INSC: variants seen among roughly 807,000 people sequenced by gnomAD.
The protein encoded by INSC is protein inscuteable homolog.
INSC carries 67 observed loss-of-function variants against 58.6 expected under a neutral mutation model. That is an observed-to-expected ratio of 1.14 (90% confidence interval 0.94 to 1.40). The LOEUF (loss-of-function observed/expected upper bound fraction) is 1.40. Ranked by LOEUF, INSC falls within the 40% of genes most tolerant of loss-of-function variation. The probability of loss-of-function intolerance (pLI) is 0.00; values close to 1 mark genes in which losing one functional copy is unlikely to be tolerated. For synonymous variants in INSC, 262 were observed against 276.1 expected, an observed-to-expected ratio of 0.95 and a Z score of 0.51; for missense variants, 714 against 692.0, an observed-to-expected ratio of 1.03 and a Z score of -0.36.
rs1850938270 is a variant in INSC at position 15,209,510 on chromosome 11, A to T, written c.819+8561A>T. ...CCTCTGGACCTCCTTCCCGACTGTGATCCTCCCTCCTTGGTGCTCACACAG... is the reference window on the plus strand; with the variant it reads ...CCTCTGGACCTCCTTCCCGACTGTGTTCCTCCCTCCTTGGTGCTCACACAG... On this transcript the variant is annotated intron_variant, in intron 7 of 12. Transcript: ENST00000379556. Among the ~76,000 whole-genome samples the T allele has an allele frequency of 2.0e-5, 3 of 151,750 alleles. No homozygotes were observed. The South Asian group carries it at 6.2e-4, about 32-fold the overall frequency.
chr11:15,143,341 G>T (rs537439252), intron 1 of INSC, among the ~76,000 whole-genome samples: 5 of 152,266 alleles, frequency 3.3e-5, no homozygotes, highest in South Asian at 2.1e-4. Flanking sequence ...CATTTGTTCT[G>T]AGCTCTCACC....
the INSC span, among the ~76,000 whole-genome samples, chr11:15,253,703 G>T: frequency 6.6e-6 from 1 of 151,956 alleles, no homozygotes; most frequent in Admixed American, 6.6e-5. Flanking sequence ...GAAAGAAGGG[G>T]TGACGTCAAG....
At position 15,238,782 on chromosome 11, in the gene INSC, G is replaced by A. The variant is rs773373413; in HGVS notation, c.1238-137G>A. On this transcript the variant is annotated intron_variant, in intron 10 of 12. Transcript: ENST00000379556. Reference sequence around the variant, plus strand: ...AGGCATGGAGGAACAGCCTTGTCCAGCTTCCTCCCTGTGGGTGAGACCCCT... The same window carrying A: ...AGGCATGGAGGAACAGCCTTGTCCAACTTCCTCCCTGTGGGTGAGACCCCT... The A allele has an allele frequency of 1.6e-4, 127 of 780,484 alleles. 1 individual carries two copies. Among genetic ancestry groups the A allele is most frequent in the Non-Finnish European group, 2.5e-4 (121 of 491,180 alleles). The allele number at this position is 780,484 out of a possible 1,614,324, so 48.3% of individuals were successfully genotyped here.
chr11:15,136,616 A>T (rs1235430599), intron 1 of INSC, among the ~76,000 whole-genome samples: 1 of 151,966 alleles, frequency 6.6e-6, no homozygotes, highest in Non-Finnish European at 1.5e-5. Flanking sequence ...ATCTCAAGAA[A>T]CTTCTTTCTT....
At chr11:15,187,823 T>C (rs1184061368) in intron 5 of INSC, among the ~76,000 whole-genome samples, 1 of 152,170 alleles carries the variant, frequency 6.6e-6, no homozygotes, top group Non-Finnish European at 1.5e-5. Flanking sequence ...CTCATGATAT[T>C]GAGTGAGGCA....
chr11:15,112,318 G>A, upstream of INSC: 1 of 545,692 alleles, frequency 1.8e-6, no homozygotes, highest in Non-Finnish European at 3.2e-6. Context: ...GCTCCCTTGG[G>A]CAGCCTCAGT....
chr11:15,138,621 C>T (rs1365516672), intron 1 of INSC, among the ~76,000 whole-genome samples: 1 of 152,220 alleles, frequency 6.6e-6, no homozygotes, highest in Non-Finnish European at 1.5e-5. Context: ...CTCTTTGGAT[C>T]TGAAGTCTGG....
chr11:15,113,121 C>CTT (rs150059229), upstream of INSC, among the ~76,000 whole-genome samples: 55 of 110,004 alleles, frequency 5.0e-4, no homozygotes, highest in Non-Finnish European at 8.7e-4. Context: ...CTCTCTCTCT[C>CTT]TTTCTTTCTT....
chr11:15,210,581 AGTT>A (rs1184536825), intron 7 of INSC, among the ~76,000 whole-genome samples: 1 of 149,946 alleles, frequency 6.7e-6, no homozygotes. Flanking sequence ...AGCAGGGTAA[AGTT>A]GTTGTGTATC....
intron 1 of INSC, among the ~76,000 whole-genome samples, chr11:15,130,007 G>A (rs1251871818): frequency 1.3e-5 from 2 of 152,172 alleles, no homozygotes; most frequent in Admixed American, 6.5e-5. Context: ...TTATGCACAG[G>A]CAGATGTGGC....
downstream of INSC, among the ~76,000 whole-genome samples, chr11:15,248,767 G>A (rs957799818): frequency 2.0e-4 from 31 of 152,170 alleles, no homozygotes; most frequent in African/African-American, 6.5e-4. Context: ...GAAGGTGCAT[G>A]TATATCAACC....
At chr11:15,211,255 C>T (rs559410339) in intron 7 of INSC, among the ~76,000 whole-genome samples, 1 of 152,294 alleles carries the variant, frequency 6.6e-6, no homozygotes, top group South Asian at 2.1e-4. Flanking sequence ...GTGTACCGTC[C>T]TCTCTTATTA....
chr11:15,141,367 C>T (rs979492365), intron 1 of INSC, among the ~76,000 whole-genome samples: 5 of 152,050 alleles, frequency 3.3e-5, no homozygotes, highest in Non-Finnish European at 7.4e-5. Context: ...AATTGAGGGG[C>T]GGAACAAAGG....
intron 1 of INSC, among the ~76,000 whole-genome samples, chr11:15,140,305 C>T (rs1214813529): frequency 6.6e-6 from 1 of 152,194 alleles, no homozygotes; most frequent in African/African-American, 2.4e-5. Flanking sequence ...TCCCTGCCCA[C>T]TCTTTATTTC....
At chr11:15,133,544 C>A (rs527708621) in intron 1 of INSC, among the ~76,000 whole-genome samples, 1 of 152,086 alleles carries the variant, frequency 6.6e-6, no homozygotes, top group Non-Finnish European at 1.5e-5. Flanking sequence ...TTGACATAGA[C>A]GGTTTATTTT....
intron 4 of INSC, among the ~76,000 whole-genome samples, chr11:15,177,563 A>G (rs972103114): frequency 2.6e-5 from 4 of 152,196 alleles, no homozygotes; most frequent in Admixed American, 6.5e-5. Context: ...TCACTTTCTC[A>G]TATACAGATA....
chr11:15,176,147 TG>T, intron 3 of INSC, 61 bp downstream of exon 3: 2 of 1,336,286 alleles, frequency 1.5e-6, no homozygotes, highest in Non-Finnish European at 2.0e-6. Context: ...TAGAGAAGAG[TG>T]GGTTTGAATC....
At chr11:15,257,094 A>G in the INSC span, among the ~76,000 whole-genome samples, 1 of 152,184 alleles carries the variant, frequency 6.6e-6, no homozygotes, top group Admixed American at 6.5e-5. Flanking sequence ...TATTTCCTTA[A>G]TGATAGAACC....
At chr11:15,224,837 G>A (rs1408468577) in intron 8 of INSC, among the ~76,000 whole-genome samples, 1 of 152,190 alleles carries the variant, frequency 6.6e-6, no homozygotes, top group Non-Finnish European at 1.5e-5. Context: ...TTTGGTTAGG[G>A]CTAAGCTAGG....
Sources: gnomAD v4.1 joint callset for allele counts (sites outside exome capture counted in the v4.1 genomes callset) on GRCh38, gnomAD v4.1.1 for gene constraint, MANE v1.5 for transcripts, NCBI Gene and HGNC (gene_info 2026-07-23, HGNC 2026-07-21) for gene names.